PCNX1: variants seen among roughly 807,000 people sequenced by gnomAD.
The protein encoded by PCNX1 is pecanex-like protein 1.
In PCNX1, 78 loss-of-function variants were observed where a neutral mutation model predicts 242.2. That is an observed-to-expected ratio of 0.32 (90% CI 0.27 to 0.39). The LOEUF is 0.39. Ranked by LOEUF, PCNX1 falls within the 10% of genes least tolerant of loss-of-function variation. The pLI, the probability that PCNX1 is intolerant of heterozygous loss-of-function variation, is 1.00. For synonymous variants in PCNX1, 1,024 were observed against 1,032.9 expected (o/e 0.99, Z 0.17); for missense variants, 2,581 against 2,856.5 (o/e 0.90, Z 2.20).
At chr14:70,919,362 A>G (rs1197176522) in intron 1 of PCNX1, among the ~76,000 whole-genome samples, 1 of 152,112 alleles carries the variant, frequency 6.6e-6, no homozygotes, top group Non-Finnish European at 1.5e-5. Context: ...TATTCTTTGT[A>G]ATTAATTTTC....
At chr14:70,965,884 C>T (rs1346064542) in intron 3 of PCNX1, among the ~76,000 whole-genome samples, 2 of 152,026 alleles carry the variant, frequency 1.3e-5, no homozygotes, top group African/African-American at 4.8e-5. Flanking sequence ...AGAGAAGAAA[C>T]AGTGGAATAT....
chr14:71,002,929 T>TAACTCATTGTTACCATTCTA (rs1219041368), intron 8 of PCNX1, among the ~76,000 whole-genome samples: 1 of 152,186 alleles, frequency 6.6e-6, no homozygotes, highest in Admixed American at 6.5e-5. Context: ...TATAGAATGG[T>TAACTCATTGTTACCATTCTA]AACTCATTGT....
chr14:71,019,481 A>C (rs2060040632), intron 12 of PCNX1, among the ~76,000 whole-genome samples: 1 of 152,194 alleles, frequency 6.6e-6, no homozygotes, highest in South Asian at 2.1e-4. Context: ...GGCTCACTGC[A>C]ACCGTCGCCT....
Position 70,962,376 on chromosome 14 carries a change from A to ATGG in PCNX1, c.468+50_468+52dup, listed in dbSNP as rs751126622. The ATGG allele has an allele frequency of 1.3e-5, 13 of 991,532 alleles. No individual in the cohort carries two copies. In the East Asian group the frequency reaches 3.1e-4, roughly 24 times the overall value. The allele number at this position is 991,532 out of a possible 1,614,324, so 61.4% of individuals were successfully genotyped here. A position where few individuals can be genotyped will look rare whatever the true frequency, so the allele number is the denominator to read the frequency against. On this transcript the variant is annotated intron_variant, in intron 3 of 35. Transcript: ENST00000304743. ...TATTTTGCCTTTTTCCCTCCTCCTGATGGTGGTCTCCGTTATTCTCGTGTC... is the reference window on the plus strand; with the variant it reads ...TATTTTGCCTTTTTCCCTCCTCCTGATGGTGGTGGTCTCCGTTATTCTCGTGTC...
intron 1 of PCNX1, among the ~76,000 whole-genome samples, chr14:70,927,751 C>T (rs1022797609): frequency 2.0e-5 from 3 of 151,782 alleles, no homozygotes; most frequent in Admixed American, 1.3e-4. Flanking sequence ...CACCAAGTCT[C>T]GCTAATTTTT....
chr14:71,100,052 T>C (rs1595504616), intron 30 of PCNX1, among the ~76,000 whole-genome samples: 2 of 152,084 alleles, frequency 1.3e-5, no homozygotes, highest in African/African-American at 2.4e-5. Flanking sequence ...GTGGGGTGTT[T>C]AGACCATTTA....
At chr14:71,012,773 A>T in intron 10 of PCNX1, 1 of 476,236 alleles carries the variant, frequency 2.1e-6, no homozygotes, top group Admixed American at 3.5e-5. Flanking sequence ...CAGAGGTTGC[A>T]GTGAGCCGAG....
Position 71,108,896 on chromosome 14 carries a change from A to G in PCNX1, c.6594A>G (p.Gln2198=). ...TGCCTTCCTCCAGCAGCTCCAGCCA[A>G]AGCATCCCAGCCTGCAAACATCACA... ...HGLPSSSSSS[Q]SIPACKHHTL... is the part of the protein sequence containing the mutation. Residue 2198 remains glutamine (Q), a synonymous_variant, in exon 34 of 36, where the codon CAA becomes CAG. Transcript: ENST00000304743. The G allele has an allele frequency of 6.2e-7, 1 of 1,614,236 alleles. No individual in the cohort carries two copies. Among genetic ancestry groups the G allele is most frequent in the Non-Finnish European group, 8.5e-7 (1 of 1,180,036 alleles).
chr14:71,105,568 T>G (rs80194361), intron 33 of PCNX1, 128 bp downstream of exon 33: 2 of 649,340 alleles, frequency 3.1e-6, no homozygotes, highest in Non-Finnish European at 5.2e-6. Context: ...TTTTTTTTTT[T>G]GAGATGGAGT....
At chr14:70,993,956 A>G (rs752947144) in intron 7 of PCNX1, among the ~76,000 whole-genome samples, 2 of 152,236 alleles carry the variant, frequency 1.3e-5, no homozygotes, top group Non-Finnish European at 2.9e-5. Flanking sequence ...GTTGATTTAT[A>G]TCTATTCTAC....
At position 71,028,761 on chromosome 14, in the gene PCNX1, A is replaced by G; in HGVS notation, c.3528A>G (p.Leu1176=). ...SFICSIVAVA[L]LYGLCYGALK... ...TCTGTAGCATTGTTGCAGTAGCCTTATTGTATGGATTATGTTATGGGGCTT... is the reference window on the plus strand; with the variant it reads ...TCTGTAGCATTGTTGCAGTAGCCTTGTTGTATGGATTATGTTATGGGGCTT... The change falls in exon 16 of 36, where the codon TTA becomes TTG. Residue 1176 remains leucine, a synonymous_variant. Coordinates refer to ENST00000304743, the MANE Select transcript of PCNX1 (RefSeq NM_014982.3). 6.2e-7 allele frequency: 1 copy of G among 1,605,576 alleles called. No homozygotes were observed.
chr14:71,068,360 A>C (rs1046110869), intron 26 of PCNX1, among the ~76,000 whole-genome samples: 14 of 151,084 alleles, frequency 9.3e-5, no homozygotes, highest in Non-Finnish European at 1.9e-4. Flanking sequence ...ATATATATGT[A>C]TACATACATG....
At chr14:71,011,403 G>A (rs2059817069) in intron 9 of PCNX1, 89 bp from the exon 10 acceptor site, 1 of 767,160 alleles carries the variant, frequency 1.3e-6, no homozygotes, top group African/African-American at 1.8e-5. Flanking sequence ...ACATGGAAAA[G>A]TGAAGATATG....
At chr14:71,042,841 T>C (rs184204144) in intron 19 of PCNX1, among the ~76,000 whole-genome samples, 114 of 152,212 alleles carry the variant, frequency 7.5e-4, no homozygotes, top group African/African-American at 2.6e-3. Context: ...TTTGATTGGT[T>C]TTTTGTAGTA....
chr14:70,986,056 A>AAGACAC (rs1467457475), intron 6 of PCNX1, among the ~76,000 whole-genome samples: 6 of 152,222 alleles, frequency 3.9e-5, no homozygotes, highest in Non-Finnish European at 8.8e-5. Flanking sequence ...TTAAGCTTTA[A>AAGACAC]AGACACATTT....
chr14:71,077,829 T>C (rs778580650), intron 28 of PCNX1, among the ~76,000 whole-genome samples: 8 of 152,186 alleles, frequency 5.3e-5, no homozygotes, highest in Non-Finnish European at 8.8e-5. Flanking sequence ...CTGACTTTTG[T>C]TGGGGAGAGT....
chr14:70,993,914 T>C (rs1427181458), intron 7 of PCNX1, among the ~76,000 whole-genome samples: 1 of 152,210 alleles, frequency 6.6e-6, no homozygotes, highest in Non-Finnish European at 1.5e-5. Context: ...ATGAAAACCT[T>C]ATCTGATTAT....
chr14:70,955,095 G>T (rs1053079543), intron 2 of PCNX1, among the ~76,000 whole-genome samples: 1 of 152,168 alleles, frequency 6.6e-6, no homozygotes, highest in Non-Finnish European at 1.5e-5. Flanking sequence ...ATGTGGTACA[G>T]CAGGTAAAAA....
intron 10 of PCNX1, chr14:71,012,309 A>C (rs2059841565): frequency 6.5e-6 from 1 of 154,176 alleles, no homozygotes; most frequent in South Asian, 2.0e-4. Context: ...AAAGACTATA[A>C]ATGTGAGAAG....
Sources: allele counts gnomAD v4.1 joint callset (sites outside exome capture counted in the v4.1 genomes callset), GRCh38; gene constraint gnomAD v4.1.1; transcripts MANE v1.5; gene names NCBI Gene and HGNC (gene_info 2026-07-23, HGNC 2026-07-21).